Variants in NACC2 observed in about 807,000 individuals in gnomAD.
The protein encoded by NACC2 is NACC family member 2, also known as nucleus accumbens-associated protein 2.
NACC2 carries 8 observed loss-of-function variants against 25.1 expected under a neutral mutation model. The ratio of observed to expected loss-of-function variants is 0.32; its 90% CI spans 0.19 to 0.57. The LOEUF is 0.57. NACC2 is among the 20% of genes least tolerant of loss of function. NACC2 has a pLI of 0.89. For missense variants in NACC2, 644 were observed against 650.2 expected (o/e 0.99, Z 0.10); for synonymous variants, 435 against 294.7 (o/e 1.48, Z -4.88).
intron 2 of NACC2, among the ~76,000 whole-genome samples, chr9:136,024,201 G>C (rs1470982839): frequency 7.9e-6 from 1 of 127,302 alleles, no homozygotes; most frequent in East Asian, 2.5e-4. Context: ...GTGTGTGTGA[G>C]GACAGAGTGT....
chr9:136,031,665 A>C (rs145014859), intron 2 of NACC2, among the ~76,000 whole-genome samples: 66 of 152,362 alleles, frequency 4.3e-4, no homozygotes, highest in African/African-American at 1.6e-3. Flanking sequence ...ACAAAGAAAA[A>C]AGAACAAGAA....
chr9:136,093,022 G>T (rs529197967), intron 1 of NACC2, among the ~76,000 whole-genome samples: 1 of 152,100 alleles, frequency 6.6e-6, no homozygotes, highest in Non-Finnish European at 1.5e-5. Flanking sequence ...ACGGTGGCTG[G>T]GGCCACTGGG....
chr9:136,064,036 C>T (rs559247873), intron 1 of NACC2, among the ~76,000 whole-genome samples: 1 of 152,262 alleles, frequency 6.6e-6, no homozygotes, highest in East Asian at 1.9e-4. Flanking sequence ...GGCCTATAAT[C>T]CCAGCACTTT....
chr9:136,012,649 A>G (rs1840128272), intron 5 of NACC2, among the ~76,000 whole-genome samples: 1 of 144,202 alleles, frequency 6.9e-6, no homozygotes, highest in Non-Finnish European at 1.5e-5. Context: ...TTTGCCTCAC[A>G]AGGTTTTTTT....
intron 1 of NACC2, among the ~76,000 whole-genome samples, chr9:136,070,381 G>T (rs907055670): frequency 1.3e-5 from 2 of 151,722 alleles, no homozygotes; most frequent in African/African-American, 4.9e-5. Flanking sequence ...GGTGGTGGGC[G>T]CCTATAATCC....
Position 136,019,093 on chromosome 9 carries a change from C to T in NACC2, c.887-2664G>A, listed in dbSNP as rs1021824739. 1 of 152,238 alleles carries T rather than the reference C, an allele frequency of 6.6e-6. No individual in the cohort carries two copies. Among genetic ancestry groups the T allele is most frequent in the East Asian group, 1.9e-4 (1 of 5,196 alleles). The allele number at this position is 152,238 out of a possible 1,614,324, so 9.4% of individuals were successfully genotyped here. A position where few individuals can be genotyped will look rare whatever the true frequency, so the allele number is the denominator to read the frequency against. On this transcript the variant is annotated intron_variant, in intron 2 of 5. Coordinates refer to ENST00000277554, the MANE Select transcript of NACC2 (RefSeq NM_144653.5). This position sits in a 1 kb window ranked among gnomAD's most constrained non-coding sequence, Gnocchi z 5.2. Reference sequence around the variant, plus strand: ...GGTGCTGCTGGCTAAAAACACCCCGCCCCGAGTGGAAGCTCGTCCGCAAAG... The same window carrying T: ...GGTGCTGCTGGCTAAAAACACCCCGTCCCGAGTGGAAGCTCGTCCGCAAAG...
At chr9:136,083,129 G>C (rs985848513) in intron 1 of NACC2, among the ~76,000 whole-genome samples, 1 of 152,236 alleles carries the variant, frequency 6.6e-6, no homozygotes, top group Non-Finnish European at 1.5e-5. Flanking sequence ...CTCGATGCCA[G>C]AAACGGGGCC....
At chr9:136,081,957 CAG>C (rs972690954) in intron 1 of NACC2, among the ~76,000 whole-genome samples, 9 of 152,164 alleles carry the variant, frequency 5.9e-5, no homozygotes, top group African/African-American at 2.2e-4. Flanking sequence ...CTGCAGAACT[CAG>C]AGATCAGGGT....
Position 136,066,355 on chromosome 9 carries a change from A to G in NACC2, c.-59-15775T>C, listed in dbSNP as rs77185897. On this transcript the variant is annotated intron_variant, in intron 1 of 5. Coordinates refer to ENST00000277554, the MANE Select transcript of NACC2 (RefSeq NM_144653.5). Reference sequence around the variant, plus strand: ...AAATAGGCAAGGCATCTGAAAAGGTATTTCTCCAAATACTATACACAAATG... The same window carrying G: ...AAATAGGCAAGGCATCTGAAAAGGTGTTTCTCCAAATACTATACACAAATG... Among the ~76,000 whole-genome samples the G allele has an allele frequency of 3.1e-3, 479 of 152,348 alleles. 6 individuals carry two copies. Among genetic ancestry groups the G allele is most frequent in the African/African-American group, 0.011 (462 of 41,586 alleles).
At chr9:136,051,647 G>A (rs996109962) in intron 1 of NACC2, among the ~76,000 whole-genome samples, 5,960 of 152,116 alleles carry the variant, frequency 0.039, 180 homozygotes, top group African/African-American at 0.082. Flanking sequence ...CCACCGCGCC[G>A]GGAGCTGGGC....
chr9:136,047,925 A>G (rs1840754121), intron 2 of NACC2, among the ~76,000 whole-genome samples: 1 of 152,040 alleles, frequency 6.6e-6, no homozygotes, highest in South Asian at 2.1e-4. Context: ...GGCTCCCATC[A>G]CCCCAAACAC....
rs1840306394 is a variant in NACC2, at chr9:136,022,423, C to G, written c.887-5994G>C. Among the ~76,000 whole-genome samples, 1 of 152,240 alleles carries G rather than the reference C, an allele frequency of 6.6e-6. No individual in the cohort carries two copies. The highest frequency in any genetic ancestry group is 2.4e-5 in the African/African-American group (1 of 41,458). The stretch of plus-strand genomic sequence containing the variant: ...CCACAACTTGCTTCCCAGCTCCCCG[C>G]CCAGGTGCCTCCTGATGGCCAGAGC... On this transcript the variant is annotated intron_variant, in intron 2 of 5. Coordinates refer to ENST00000277554, the MANE Select transcript of NACC2 (RefSeq NM_144653.5). This position sits in a 1 kb window ranked among gnomAD's most constrained non-coding sequence, Gnocchi z 4.4.
At position 136,012,035 on chromosome 9, in the gene NACC2, G is replaced by T; in HGVS notation, c.1256-11C>A. ...AGTTCTGACAGTACACTGTGAGGAC[G>T]GGGCGGCGTGAGCTCAGCCACCTGC... On this transcript the variant is annotated splice_polypyrimidine_tract_variant and intron_variant, in intron 5 of 5. Coordinates refer to ENST00000277554, the MANE Select transcript of NACC2 (RefSeq NM_144653.5). 6.5e-7 allele frequency: 1 copy of T among 1,527,068 alleles called. No individual in the cohort carries two copies. The allele number at this position is 1,527,068 out of a possible 1,614,324, so 94.6% of individuals were successfully genotyped here.
intron 1 of NACC2, among the ~76,000 whole-genome samples, chr9:136,083,232 C>G (rs937436684): frequency 6.6e-6 from 1 of 152,178 alleles, no homozygotes; most frequent in Non-Finnish European, 1.5e-5. Context: ...GGTCAGAGCC[C>G]CTGGGGAGCT....
At chr9:136,083,718 C>A (rs1005397618) in intron 1 of NACC2, among the ~76,000 whole-genome samples, 131 of 152,342 alleles carry the variant, frequency 8.6e-4, no homozygotes, top group Admixed American at 2.4e-3. Flanking sequence ...GGGCTTTTGG[C>A]CTCCACCGCT....
At position 136,007,494 on chromosome 9, in the gene NACC2, CACACACAT is replaced by C. The variant is rs1840037281; in HGVS notation, c.*4014_*4021del. 2.0e-5 allele frequency: 3 copies of C among 150,864 alleles called. No homozygotes were observed. The highest frequency in any genetic ancestry group is 7.4e-5 in the African/African-American group (3 of 40,612). The allele number at this position is 150,864 out of a possible 1,614,324, so 9.3% of individuals were successfully genotyped here. A position where few individuals can be genotyped will look rare whatever the true frequency, so the allele number is the denominator to read the frequency against. On this transcript the variant is annotated 3_prime_UTR_variant, in exon 6 of 6. Transcript: ENST00000277554. ...ACACACAGACGCACACACGCACAGA[CACACACAT>C]GCACAGACGCGCACACACAGACGCA...
At chr9:136,051,756 G>C (rs1383395068) in intron 1 of NACC2, among the ~76,000 whole-genome samples, 2 of 152,190 alleles carry the variant, frequency 1.3e-5, no homozygotes, top group African/African-American at 2.4e-5. Context: ...GCCGCCGGCC[G>C]GCACTGCCCG....
At chr9:136,092,848 A>C (rs1210224949) in intron 1 of NACC2, among the ~76,000 whole-genome samples, 1 of 152,056 alleles carries the variant, frequency 6.6e-6, no homozygotes, top group African/African-American at 2.4e-5. Flanking sequence ...CCCTCATCCC[A>C]CCGGCCACAG....
At position 136,049,685 on chromosome 9, in the gene NACC2, C is replaced by A; in HGVS notation, c.837G>T (p.Val279=). The A allele has an allele frequency of 2.6e-6, 2 of 779,350 alleles. No individual in the cohort carries two copies. The highest frequency in any genetic ancestry group is 2.7e-5 in the South Asian group (2 of 74,584). 48.3% of individuals were successfully genotyped at this position (779,350 alleles called of 1,614,324 possible). The change falls in exon 2 of 6, where the codon GTG becomes GTT. Residue 279 remains valine (V), a synonymous_variant. Coordinates refer to ENST00000277554, the MANE Select transcript of NACC2 (RefSeq NM_144653.5). ...EEDDEAYDTM[V]EEQYGQMYIK... ...TGTACATCTGGCCGTACTGCTCCTC[C>A]ACCATGGTGTCGTAGGCCTCGTCGT...
Sources: gnomAD v4.1 joint callset for allele counts (sites outside exome capture counted in the v4.1 genomes callset) on GRCh38, gnomAD v4.1.1 for gene constraint, Gnocchi (gnomAD v3.1) non-coding constraint, MANE v1.5 for transcripts, NCBI Gene and HGNC (gene_info 2026-07-23, HGNC 2026-07-21) for gene names.